The following RBM28 variants were observed in gnomAD, a reference collection of about 807,000 sequenced individuals.
RBM28 encodes the protein RNA-binding protein 28.
In RBM28, 78 loss-of-function variants were observed where a neutral mutation model predicts 98.3. The ratio of observed to expected loss-of-function variants is 0.79; its 90% CI spans 0.66 to 0.96. RBM28 has a LOEUF of 0.96. Ranked by LOEUF, RBM28 falls within the 40% of genes least tolerant of loss-of-function variation. The pLI is 0.00. For missense variants in RBM28, 838 were observed against 913.0 expected (o/e 0.92, Z 1.06); for synonymous variants, 306 against 330.9 (o/e 0.92, Z 0.82).
Position 128,309,536 on chromosome 7 carries a change from G to C in RBM28, c.*1261C>G, listed in dbSNP as rs1795934399. 1 of 151,916 alleles carries C rather than the reference G, an allele frequency of 6.6e-6. No individual in the cohort carries two copies. Among genetic ancestry groups the C allele is most frequent in the Non-Finnish European group, 1.5e-5 (1 of 68,042 alleles). The allele number at this position is 151,916 out of a possible 1,614,324, so 9.4% of individuals were successfully genotyped here. A position where few individuals can be genotyped will look rare whatever the true frequency, so the allele number is the denominator to read the frequency against. ...TAGTCCCAGCTACTTGGGAGGGTGA[G>C]GCGGGAAAGTCGCTTGAACCCGGGA... On this transcript the variant is annotated 3_prime_UTR_variant, in exon 19 of 19. Coordinates refer to ENST00000223073, the MANE Select transcript of RBM28 (RefSeq NM_018077.3).
At chr7:128,321,539 C>A (rs770619916) in intron 13 of RBM28, 115 bp from the exon 14 acceptor site, 3 of 1,301,256 alleles carry the variant, frequency 2.3e-6, no homozygotes, top group Non-Finnish European at 3.3e-6. Flanking sequence ...ATATAGAAAA[C>A]GGATGGAAAC....
In RBM28 at chr7:128,321,320, G is replaced by A; in HGVS notation, c.1509C>T (p.Leu503=). ...TAGTAGCACTCAGCAGCAGCTTTCT[G>A]AGCTGTTTGTCATCTACAGCCTTTG... ...NLPKAVDDKQ[L]RKLLLSATSG... The change falls in exon 14 of 19, where the codon CTC becomes CTT. Residue 503 remains leucine, a synonymous_variant. Transcript: ENST00000223073. The A allele has an allele frequency of 6.2e-7, 1 of 1,614,208 alleles. No individual in the cohort carries two copies. The highest frequency in any genetic ancestry group is 8.5e-7 in the Non-Finnish European group (1 of 1,180,038).
At chr7:128,330,571 C>T (rs970537374) in intron 10 of RBM28, among the ~76,000 whole-genome samples, 1 of 151,918 alleles carries the variant, frequency 6.6e-6, no homozygotes, top group Non-Finnish European at 1.5e-5. Flanking sequence ...GGGGTTTCAC[C>T]GTGTTGCCCA....
At chr7:128,313,360 G>T in intron 17 of RBM28, 86 bp from the exon 18 acceptor site, 1 of 1,290,454 alleles carries the variant, frequency 7.7e-7, no homozygotes, top group Non-Finnish European at 1.1e-6. Flanking sequence ...CCCTTCCCAA[G>T]CCCATGATAA....
At chr7:128,313,524 C>T (rs949937016) in intron 17 of RBM28, among the ~76,000 whole-genome samples, 1 of 152,190 alleles carries the variant, frequency 6.6e-6, no homozygotes, top group African/African-American at 2.4e-5. Flanking sequence ...GTCCCAGCTA[C>T]TCAGGAGGCT....
Position 128,338,292 on chromosome 7 carries a change from CT to C in RBM28, c.498del (p.Ala167GlnfsTer8). On this transcript the variant is annotated frameshift_variant, in exon 5 of 19. Coordinates refer to ENST00000223073, the MANE Select transcript of RBM28 (RefSeq NM_018077.3). LOFTEE classifies it high-confidence loss of function. Reference sequence around the variant, plus strand: ...TTCATGCCTTTGAGAGCTTTACCTGCTTCTAGGAGGTTTTTGAACTGAACAA... The same window carrying C: ...TTCATGCCTTTGAGAGCTTTACCTGCTCTAGGAGGTTTTTGAACTGAACAA... ...FGFVQFKNLL[E>X]AGKALKGMNM... is the part of the protein sequence containing the mutation. 11 of 1,614,136 alleles carry C rather than the reference CT, an allele frequency of 6.8e-6. No individual in the cohort carries two copies. Among genetic ancestry groups the C allele is most frequent in the Non-Finnish European group, 7.6e-6 (9 of 1,180,002 alleles).
Position 128,321,267 on chromosome 7 carries a change from T to C in RBM28, c.1562A>G (p.Glu521Gly). The change falls in exon 14 of 19, where the codon GAG (glutamate) becomes GGG (glycine). Residue 521 changes from glutamate (E) to glycine (G), a missense_variant and splice_region_variant. Coordinates refer to ENST00000223073, the MANE Select transcript of RBM28 (RefSeq NM_018077.3). Reference protein sequence around the residue: ...TSGEKGVRIKECRVMRDLKGV... With the variant: ...TSGEKGVRIKGCRVMRDLKGV... ...AAAATGGTCAGGGCCACGTCTCACC[T>C]CCTTGATGCGCACCCCTTTCTCTCC... 6.2e-7 allele frequency: 1 copy of C among 1,614,144 alleles called. No homozygotes were observed. The highest frequency in any genetic ancestry group is 8.5e-7 in the Non-Finnish European group (1 of 1,179,984).
rs566913469 is a variant in RBM28, at chr7:128,300,495, T to C, written c.*10302A>G. 6.6e-6 allele frequency: 1 copy of C among 152,406 alleles called. No individual in the cohort carries two copies. Among genetic ancestry groups the C allele is most frequent in the African/African-American group, 2.4e-5 (1 of 41,580 alleles). 9.4% of individuals were successfully genotyped at this position (152,406 alleles called of 1,614,324 possible). On this transcript the variant is annotated 3_prime_UTR_variant, in exon 19 of 19. Coordinates refer to ENST00000223073, the MANE Select transcript of RBM28 (RefSeq NM_018077.3). ...TAATATTCAGTTAACACCGGCTGGCTGAATGAAGGGCGAGCTATCTTGAGC... is the reference window on the plus strand; with the variant it reads ...TAATATTCAGTTAACACCGGCTGGCCGAATGAAGGGCGAGCTATCTTGAGC...
At chr7:128,338,561 CTA>C (rs2116390117) in intron 4 of RBM28, among the ~76,000 whole-genome samples, 163 bp downstream of exon 4, 1 of 152,334 alleles carries the variant, frequency 6.6e-6, no homozygotes, top group Non-Finnish European at 1.5e-5. Flanking sequence ...CCTTCTAAAA[CTA>C]ATTCTGATCC....
intron 14 of RBM28, among the ~76,000 whole-genome samples, chr7:128,318,787 C>T (rs1365387797): frequency 2.0e-5 from 3 of 152,100 alleles, no homozygotes; most frequent in African/African-American, 2.4e-5. Flanking sequence ...GTATTTTAAG[C>T]GTGTAACAAG....
rs149978338 is a variant in RBM28, at chr7:128,323,429, T to C, written c.1404+98A>G. 184 of 1,397,048 alleles carry C rather than the reference T, an allele frequency of 1.3e-4. No homozygotes were observed. In the African/African-American group the frequency reaches 2.3e-3, roughly 17 times the overall value. The allele number at this position is 1,397,048 out of a possible 1,614,324, so 86.5% of individuals were successfully genotyped here. On this transcript the variant is annotated intron_variant, in intron 13 of 18. Coordinates refer to ENST00000223073, the MANE Select transcript of RBM28 (RefSeq NM_018077.3). ...GGGCAATAAGTATGGTCTGTGACCA[T>C]ACTGGGCTCTTTGATGAGCACATCT...
chr7:128,328,978 G>A (rs188102576), intron 10 of RBM28, among the ~76,000 whole-genome samples: 4 of 150,934 alleles, frequency 2.7e-5, no homozygotes, highest in East Asian at 3.9e-4. Context: ...AGATGGAGGC[G>A]GTCTTGTTCT....
Position 128,298,075 on chromosome 7 carries a change from A to G in RBM28, c.*12722T>C, listed in dbSNP as rs1795731510. On this transcript the variant is annotated 3_prime_UTR_variant, in exon 19 of 19. Transcript: ENST00000223073. ...GTGGGTGCAGCGACCAGCATGTCACATGTATACATATGTAACTAACCTGCA... is the reference window on the plus strand; with the variant it reads ...GTGGGTGCAGCGACCAGCATGTCACGTGTATACATATGTAACTAACCTGCA... 1 of 150,128 alleles carries G rather than the reference A, an allele frequency of 6.7e-6. No individual in the cohort carries two copies. The allele number at this position is 150,128 out of a possible 1,614,324, so 9.3% of individuals were successfully genotyped here.
rs1420218244 is a variant in RBM28, at chr7:128,314,975, G to T, written c.1834C>A (p.Gln612Lys). 4 of 1,614,044 alleles carry T rather than the reference G, an allele frequency of 2.5e-6. No individual in the cohort carries two copies. The highest frequency in any genetic ancestry group is 3.3e-5 in the Admixed American group (2 of 59,998). The change falls in exon 17 of 19, where the codon CAA becomes AAA. Residue 612 changes from glutamine to lysine, a missense_variant. Transcript: ENST00000223073. The part of the protein sequence containing the change: ...KPATGEPQKG[Q>K]PEPAKDQQQK... Reference sequence around the variant, plus strand: ...TGCTGGTCTTTTGCAGGCTCTGGTTGCCCCTTCTGAGGCTCACCAGTTGCA... The same window carrying T: ...TGCTGGTCTTTTGCAGGCTCTGGTTTCCCCTTCTGAGGCTCACCAGTTGCA...
intron 14 of RBM28, 103 bp from the exon 15 acceptor site, chr7:128,318,209 G>C: frequency 8.1e-7 from 1 of 1,228,506 alleles, no homozygotes; most frequent in Non-Finnish European, 1.2e-6. Context: ...TATTGGGTGG[G>C]CATGGTGGTT....
chr7:128,343,492 T>G (rs1019632745), intron 1 of RBM28, among the ~76,000 whole-genome samples, 184 bp downstream of exon 1: 1 of 152,234 alleles, frequency 6.6e-6, no homozygotes, highest in Non-Finnish European at 1.5e-5. Flanking sequence ...CGTAAGGGAA[T>G]GCTTTGCCCT....
chr7:128,335,428 G>T, intron 8 of RBM28, 115 bp downstream of exon 8: 2 of 1,264,830 alleles, frequency 1.6e-6, no homozygotes, highest in South Asian at 1.3e-5. Flanking sequence ...ACATAAATTT[G>T]ATAGAACACC....
At chr7:128,331,193 C>G (rs1796473343) in intron 9 of RBM28, among the ~76,000 whole-genome samples, 1 of 152,088 alleles carries the variant, frequency 6.6e-6, no homozygotes, top group South Asian at 2.1e-4. Flanking sequence ...CAGCGGTGCC[C>G]CCCACTAGGG....
Position 128,337,276 on chromosome 7 carries a change from T to C in RBM28, c.542-74A>G, listed in dbSNP as rs1584662298. On this transcript the variant is annotated intron_variant, in intron 5 of 18. Transcript: ENST00000223073. ...TACCTCTGTAAATGACCCCTAGTCATCACAGACAATAATGGAACCAGTGGA... is the reference window on the plus strand; with the variant it reads ...TACCTCTGTAAATGACCCCTAGTCACCACAGACAATAATGGAACCAGTGGA... 7 of 1,434,122 alleles carry C rather than the reference T, an allele frequency of 4.9e-6. No homozygotes were observed. The East Asian group carries it at 6.8e-5, about 14-fold the overall frequency. The allele number at this position is 1,434,122 out of a possible 1,614,324, so 88.8% of individuals were successfully genotyped here.
Sources: gnomAD v4.1 joint callset for allele counts (sites outside exome capture counted in the v4.1 genomes callset) on GRCh38, gnomAD v4.1.1 for gene constraint, MANE v1.5 for transcripts, NCBI Gene and HGNC (gene_info 2026-07-23, HGNC 2026-07-21) for gene names.